HMG20A: variants seen among roughly 807,000 people sequenced by gnomAD.
HMG20A encodes high mobility group protein 20A.
In HMG20A, 17 loss-of-function variants were observed where a neutral mutation model predicts 43.9. The ratio of observed to expected loss-of-function variants is 0.39; its 90% CI spans 0.27 to 0.58. The LOEUF (loss-of-function observed/expected upper bound fraction) is 0.58. Among genes scored for constraint, HMG20A ranks in the 20% least tolerant of loss-of-function variants. The pLI is 0.59. For missense variants in HMG20A, 341 were observed against 438.2 expected (o/e 0.78, Z 1.98); for synonymous variants, 132 against 147.5 (o/e 0.89, Z 0.76).
At chr15:77,474,763 T>G (rs550118867) in intron 6 of HMG20A, among the ~76,000 whole-genome samples, 1 of 152,178 alleles carries the variant, frequency 6.6e-6, no homozygotes, top group African/African-American at 2.4e-5. Flanking sequence ...CACTTCAGGC[T>G]GGTACACAAT....
At chr15:77,467,700 G>GA (rs2072769345) in intron 4 of HMG20A, among the ~76,000 whole-genome samples, 1 of 152,138 alleles carries the variant, frequency 6.6e-6, no homozygotes, top group African/African-American at 2.4e-5. Context: ...AGATTTTTAA[G>GA]AAAAAATGTT....
downstream of HMG20A, among the ~76,000 whole-genome samples, chr15:77,485,959 C>T (rs922246698): frequency 2.0e-5 from 3 of 152,152 alleles, no homozygotes; most frequent in Non-Finnish European, 4.4e-5. Context: ...TAAAAAAGTT[C>T]TATTTCTGTT....
chr15:77,518,238 T>G, the HMG20A span, among the ~76,000 whole-genome samples: 2 of 152,118 alleles, frequency 1.3e-5, no homozygotes, highest in African/African-American at 4.8e-5. Flanking sequence ...GGGGAGCCGA[T>G]AGGGGAGGCT....
At chr15:77,487,497 C>T (rs1440682117), downstream of HMG20A, among the ~76,000 whole-genome samples, 7 of 152,194 alleles carry the variant, frequency 4.6e-5, no homozygotes, top group Non-Finnish European at 7.4e-5. Context: ...CAAAAACTGG[C>T]TTCCATCTGA....
the HMG20A span, among the ~76,000 whole-genome samples, chr15:77,504,199 G>C: frequency 6.6e-6 from 1 of 152,246 alleles, no homozygotes; most frequent in Non-Finnish European, 1.5e-5. Flanking sequence ...GGGAACAAGA[G>C]GAAATCAAGG....
intron 2 of HMG20A, among the ~76,000 whole-genome samples, chr15:77,462,652 C>T (rs1007925848): frequency 1.3e-5 from 2 of 151,810 alleles, no homozygotes; most frequent in Non-Finnish European, 1.5e-5. Flanking sequence ...ATATTAAGTA[C>T]ATAATCATCA....
the HMG20A span, among the ~76,000 whole-genome samples, chr15:77,506,743 CAG>C: frequency 2.0e-5 from 3 of 152,360 alleles, no homozygotes; most frequent in South Asian, 2.1e-4. Flanking sequence ...CAGCCAAAGG[CAG>C]AGGCTCCCAG....
At chr15:77,479,847 G>T (rs190631458) in intron 9 of HMG20A, among the ~76,000 whole-genome samples, 1 of 152,256 alleles carries the variant, frequency 6.6e-6, no homozygotes, top group East Asian at 1.9e-4. Flanking sequence ...TGATAATTTA[G>T]AAGTAGTCAG....
At chr15:77,519,474 A>G in the HMG20A span, among the ~76,000 whole-genome samples, 67 of 152,336 alleles carry the variant, frequency 4.4e-4, no homozygotes, top group African/African-American at 1.5e-3. Context: ...GTGTGATAGT[A>G]TTAAGAGGTG....
downstream of HMG20A, among the ~76,000 whole-genome samples, chr15:77,487,524 C>T (rs1033347363): frequency 3.9e-5 from 6 of 152,134 alleles, no homozygotes; most frequent in African/African-American, 1.4e-4. Context: ...ATTTCCTGTT[C>T]CCATCTAGCT....
the HMG20A span, among the ~76,000 whole-genome samples, chr15:77,494,419 C>A: frequency 6.6e-6 from 1 of 152,204 alleles, no homozygotes; most frequent in Non-Finnish European, 1.5e-5. Flanking sequence ...GCATGAGTCA[C>A]CATACCCGGC....
At chr15:77,475,596 G>A (rs930417808) in intron 6 of HMG20A, among the ~76,000 whole-genome samples, 1 of 152,234 alleles carries the variant, frequency 6.6e-6, no homozygotes, top group Non-Finnish European at 1.5e-5. Context: ...TGTAACTGCA[G>A]TTAAGTTGGA....
At position 77,485,276 on chromosome 15, in the gene HMG20A, A is replaced by G. The variant is rs1435821260; in HGVS notation, c.*2313A>G. 4 of 152,660 alleles carry G rather than the reference A, an allele frequency of 2.6e-5. No homozygotes were observed. The highest frequency in any genetic ancestry group is 4.4e-5 in the Non-Finnish European group (3 of 68,054). 9.5% of individuals were successfully genotyped at this position (152,660 alleles called of 1,614,324 possible). A position where few individuals can be genotyped will look rare whatever the true frequency, so the allele number is the denominator to read the frequency against. On this transcript the variant is annotated 3_prime_UTR_variant, in exon 10 of 10. Transcript: ENST00000336216. ...GAGGCAGTAAATGAAGTTACAGGCT[A>G]GCACAATACCTAACTCATGTTTCCC...
intron 9 of HMG20A, among the ~76,000 whole-genome samples, chr15:77,481,682 T>C (rs1219878716): frequency 2.6e-5 from 4 of 152,150 alleles, no homozygotes; most frequent in Admixed American, 6.6e-5. Flanking sequence ...CCTACAAATA[T>C]TTTGCCCCTG....
chr15:77,498,507 A>G, the HMG20A span, among the ~76,000 whole-genome samples: 1 of 152,186 alleles, frequency 6.6e-6, no homozygotes, highest in African/African-American at 2.4e-5. Flanking sequence ...AGTGGGCTGC[A>G]GTCCCCAGGC....
chr15:77,449,456 C>G (rs1277119177), intron 1 of HMG20A, among the ~76,000 whole-genome samples: 6 of 152,168 alleles, frequency 3.9e-5, no homozygotes, highest in Non-Finnish European at 7.4e-5. Flanking sequence ...CCACTGATTG[C>G]TTTTAGCTAA....
At chr15:77,463,807 C>T (rs549182833) in intron 2 of HMG20A, among the ~76,000 whole-genome samples, 269 of 152,258 alleles carry the variant, frequency 1.8e-3, no homozygotes, top group Non-Finnish European at 3.4e-3. Flanking sequence ...TTTCTTACAC[C>T]CTTTAAGACC....
chr15:77,500,538 C>T, the HMG20A span, among the ~76,000 whole-genome samples: 6 of 150,608 alleles, frequency 4.0e-5, no homozygotes, highest in Admixed American at 1.3e-4. Context: ...TCAGACCACT[C>T]GCTGTTCCCC....
chr15:77,505,752 G>A, the HMG20A span, among the ~76,000 whole-genome samples: 6 of 152,210 alleles, frequency 3.9e-5, no homozygotes, highest in African/African-American at 9.6e-5. Context: ...CTGCAGGGCC[G>A]GAGGGCATGT....
Sources: allele counts gnomAD v4.1 joint callset (sites outside exome capture counted in the v4.1 genomes callset), GRCh38; gene constraint gnomAD v4.1.1; transcripts MANE v1.5; gene names NCBI Gene and HGNC (gene_info 2026-07-23, HGNC 2026-07-21).